The following PCDHA13 variants were observed in gnomAD, a reference collection of about 807,000 sequenced individuals.
PCDHA13 encodes protocadherin alpha-13.
A neutral mutation model predicts 64.8 loss-of-function variants in PCDHA13; 54 were observed. That is an observed-to-expected ratio of 0.83 (90% CI 0.67 to 1.04). The LOEUF (loss-of-function observed/expected upper bound fraction) is 1.04, where lower values mean the gene tolerates loss of function less well. Ranked by LOEUF, PCDHA13 falls within the 50% of genes least tolerant of loss-of-function variation. PCDHA13 has a pLI of 0.00. For synonymous variants in PCDHA13, 587 were observed against 564.4 expected, an observed-to-expected ratio of 1.04 and a Z score of -0.57; for missense variants, 1,248 against 1,254.3, an observed-to-expected ratio of 0.99 and a Z score of 0.08.
rs34755515 is a variant in PCDHA13 at position 141,000,421 on chromosome 5, A to ATTT, written c.2543-9185_2543-9183dup. 5.4e-3 allele frequency among the ~76,000 whole-genome samples: 150 copies of ATTT among 27,982 alleles called. 11 individuals are homozygous for ATTT. Among genetic ancestry groups the ATTT allele is most frequent in the Non-Finnish European group, 6.0e-3 (106 of 17,660 alleles). The allele number at this position is 27,982 out of a possible 152,430, so 18.4% of individuals were successfully genotyped here. On this transcript the variant is annotated intron_variant, in intron 3 of 3. Coordinates refer to ENST00000289272, the MANE Select transcript of PCDHA13 (RefSeq NM_018904.3). ...TATATATATATATATATATATATAT[A>ATTT]TTTTTTTTTTTTTTTTTTTTTTTGA...
rs191125107 is a variant in PCDHA13 at position 140,991,229 on chromosome 5, G to A, written c.2542+8666G>A. 1.4e-3 allele frequency among the ~76,000 whole-genome samples: 211 copies of A among 152,246 alleles called. 1 individual carries two copies. The highest frequency in any genetic ancestry group is 4.8e-3 in the African/African-American group (201 of 41,560). On this transcript the variant is annotated intron_variant, in intron 3 of 3. Coordinates refer to ENST00000289272, the MANE Select transcript of PCDHA13 (RefSeq NM_018904.3). ...AATTTTGTTAAATTCATTAATAAAT[G>A]CAGTGGTAAAGGCAGTATTTGAACT... is the stretch of plus-strand genomic sequence containing the variant.
chr5:140,905,248 C>T (rs143714633), intron 1 of PCDHA13, among the ~76,000 whole-genome samples: 1,610 of 152,202 alleles, frequency 0.011, 17 homozygotes, highest in African/African-American at 0.028. Flanking sequence ...TTCATTCTTC[C>T]ACATGAGGCT....
chr5:140,882,788 C>T lies in PCDHA13; in HGVS notation c.520C>T (p.Pro174Ser). 6.2e-7 allele frequency: 1 copy of T among 1,614,216 alleles called. No individual in the cohort carries two copies. Among genetic ancestry groups the T allele is most frequent in the East Asian group, 2.2e-5 (1 of 44,888 alleles). The change falls in exon 1 of 4, where the codon CCC (proline) becomes TCC (serine). Residue 174 changes from proline to serine, a missense_variant. Pro to Ser is a moderately conservative substitution (Grantham distance 74). Coordinates refer to ENST00000289272, the MANE Select transcript of PCDHA13 (RefSeq NM_018904.3). ...CTCGGCATTGACCTACCGACTGGAT[C>T]CCAACGATTATTTCACTTTGGACGC... is the stretch of plus-strand genomic sequence containing the variant. ...VNSALTYRLD[P>S]NDYFTLDAQN...
chr5:140,936,831 A>T lies in PCDHA13; in HGVS notation c.2395-42118A>T, dbSNP rs142448727. 3.1e-3 allele frequency among the ~76,000 whole-genome samples: 478 copies of T among 152,252 alleles called. 2 individuals are homozygous for T. Among genetic ancestry groups the T allele is most frequent in the African/African-American group, 0.011 (455 of 41,554 alleles). Reference sequence around the variant, plus strand: ...GCTATTTTTGGCCCTTTGCATTTCTATATAAATTGTAGATTCAGCTTCTCA... The same window carrying T: ...GCTATTTTTGGCCCTTTGCATTTCTTTATAAATTGTAGATTCAGCTTCTCA... On this transcript the variant is annotated intron_variant, in intron 1 of 3. Transcript: ENST00000289272.
intron 3 of PCDHA13, among the ~76,000 whole-genome samples, chr5:140,991,572 G>A (rs782016422): frequency 1.3e-4 from 20 of 152,144 alleles, no homozygotes; most frequent in Non-Finnish European, 2.9e-4. Flanking sequence ...TCCAATAACA[G>A]GCTCCTTATT....
At chr5:140,987,690 T>C (rs4912736) in intron 3 of PCDHA13, among the ~76,000 whole-genome samples, 37,365 of 152,116 alleles carry the variant, frequency 0.25, 5,761 homozygotes, top group East Asian at 0.43. Context: ...AGTAGCTATT[T>C]TTAAATGATT....
chr5:140,892,408 G>A (rs1323060042), intron 1 of PCDHA13, among the ~76,000 whole-genome samples: 1 of 152,054 alleles, frequency 6.6e-6, no homozygotes, highest in African/African-American at 2.4e-5. Context: ...TCAAGCTTCA[G>A]GTATTCTAGA....
intron 1 of PCDHA13, among the ~76,000 whole-genome samples, chr5:140,946,634 A>ATAT (rs1554217761): frequency 1.4e-5 from 2 of 147,350 alleles, no homozygotes; most frequent in Non-Finnish European, 3.0e-5. Context: ...ATATATATAC[A>ATAT]ATGGAATACT....
chr5:140,980,441 A>G (rs1454168972), intron 2 of PCDHA13, among the ~76,000 whole-genome samples: 7 of 152,124 alleles, frequency 4.6e-5, no homozygotes, highest in African/African-American at 1.7e-4. Context: ...ACCATCCTGG[A>G]CAACACGGTG....
chr5:140,989,538 T>G (rs1254500205), intron 3 of PCDHA13, among the ~76,000 whole-genome samples: 3 of 152,180 alleles, frequency 2.0e-5, no homozygotes, highest in Non-Finnish European at 4.4e-5. Flanking sequence ...GAAGATAGTT[T>G]GTAATTCCTT....
intron 1 of PCDHA13, chr5:140,969,328 T>C (rs2096319778): frequency 1.2e-6 from 2 of 1,614,124 alleles, no homozygotes; most frequent in Admixed American, 1.7e-5. Flanking sequence ...TTTCTCAAAA[T>C]GAGGTGAGAC....
chr5:140,926,229 G>A (rs1251523401), intron 1 of PCDHA13: 1 of 152,186 alleles, frequency 6.6e-6, no homozygotes, highest in Non-Finnish European at 1.5e-5. Context: ...AGCCTAGAAG[G>A]TGTGGTCGCT....
rs80155737 is a variant in PCDHA13, at chr5:140,924,458, T to C, written c.2394+39796T>C. Among the ~76,000 whole-genome samples, 1,228 of 152,310 alleles carry C rather than the reference T, an allele frequency of 8.1e-3. 6 individuals are homozygous for C. Among genetic ancestry groups the C allele is most frequent in the African/African-American group, 0.019 (794 of 41,566 alleles). On this transcript the variant is annotated intron_variant, in intron 1 of 3. Coordinates refer to ENST00000289272, the MANE Select transcript of PCDHA13 (RefSeq NM_018904.3). The stretch of plus-strand genomic sequence containing the variant: ...GAGATAACGAATGGGTTTGTGTGTT[T>C]AGGGAGGTAACTGGTTTTTAGTGGA...
chr5:140,917,336 G>C (rs1183036523), intron 1 of PCDHA13, among the ~76,000 whole-genome samples: 1 of 144,856 alleles, frequency 6.9e-6, no homozygotes, highest in Non-Finnish European at 1.5e-5. Context: ...GGGGAGGGGG[G>C]GGATGGTGTA....
intron 1 of PCDHA13, among the ~76,000 whole-genome samples, chr5:140,935,092 C>T (rs1015892831): frequency 2.6e-5 from 4 of 152,100 alleles, no homozygotes; most frequent in Non-Finnish European, 5.9e-5. Context: ...TTCCCAGAAT[C>T]AGCCATTTTT....
rs782725621 is a variant in PCDHA13 at position 140,883,364 on chromosome 5, A to T, written c.1096A>T (p.Ser366Cys). The T allele has an allele frequency of 6.2e-7, 1 of 1,614,168 alleles. No homozygotes were observed. The highest frequency in any genetic ancestry group is 1.3e-5 in the African/African-American group (1 of 75,036). The change falls in exon 1 of 4, where the codon AGC becomes TGC. Residue 366 changes from serine (S) to cysteine (C), a missense_variant. Physicochemically the swap from Ser to Cys is moderately radical, Grantham distance 112. Coordinates refer to ENST00000289272, the MANE Select transcript of PCDHA13 (RefSeq NM_018904.3). ...CCCCATCAGAGAAGACACTCAGCCT[A>T]GCGCCATTATTGCCCTAATCAGTGT... ...SLPIREDTQPSAIIALISVSD... is the reference protein window; with the variant it reads ...SLPIREDTQPCAIIALISVSD...
intron 1 of PCDHA13, among the ~76,000 whole-genome samples, chr5:140,966,033 G>C (rs772770928): frequency 6.6e-6 from 1 of 152,138 alleles, no homozygotes; most frequent in African/African-American, 2.4e-5. Context: ...CAGGTGAATA[G>C]TTCCCATCGC....
chr5:140,890,836 C>A (rs1189670490), intron 1 of PCDHA13, among the ~76,000 whole-genome samples: 1 of 151,884 alleles, frequency 6.6e-6, no homozygotes, highest in Admixed American at 6.6e-5. Flanking sequence ...ACATATTTAC[C>A]AGTTTTGTTT....
intron 1 of PCDHA13, among the ~76,000 whole-genome samples, chr5:140,917,038 C>T (rs1342700377): frequency 6.6e-6 from 1 of 152,168 alleles, no homozygotes; most frequent in African/African-American, 2.4e-5. Context: ...CTGAGTCCAG[C>T]ACAGTGTTGT....
Sources: allele counts gnomAD v4.1 joint callset (sites outside exome capture counted in the v4.1 genomes callset), GRCh38; gene constraint gnomAD v4.1.1; transcripts MANE v1.5; gene names NCBI Gene and HGNC (gene_info 2026-07-23, HGNC 2026-07-21).